HIPK2: variants seen among roughly 807,000 people sequenced by gnomAD.
The protein encoded by HIPK2 is homeodomain-interacting protein kinase 2.
In HIPK2, 27 loss-of-function variants were observed where a neutral mutation model predicts 113.7. The ratio of observed to expected loss-of-function variants is 0.24; its 90% CI spans 0.17 to 0.33. HIPK2 has a LOEUF of 0.33. HIPK2 is among the 10% of genes least tolerant of loss of function. The pLI, the probability that HIPK2 is intolerant of heterozygous loss-of-function variation, is 1.00. For missense variants in HIPK2, 1,257 were observed against 1,588.0 expected (o/e 0.79, Z 3.54); for synonymous variants, 631 against 642.2 (o/e 0.98, Z 0.26).
chr7:139,749,998 A>G (rs1796254571), intron 1 of HIPK2, among the ~76,000 whole-genome samples: 1 of 152,152 alleles, frequency 6.6e-6, no homozygotes, highest in South Asian at 2.1e-4. Context: ...AACATCGCTG[A>G]CCGCTCTCCA....
In HIPK2 at chr7:139,600,616, A is replaced by T; in HGVS notation, c.2256-20T>A. 6.2e-7 allele frequency: 1 copy of T among 1,612,628 alleles called. No individual in the cohort carries two copies. On this transcript the variant is annotated intron_variant, in intron 10 of 14. Coordinates refer to ENST00000406875, the MANE Select transcript of HIPK2 (RefSeq NM_022740.5). ...GTATTTCTGAAAGGCAACCGGGACA[A>T]CAAGGTGCCTTAGAGGTGTTCTAAA...
chr7:139,690,293 G>A (rs549926756), intron 2 of HIPK2, among the ~76,000 whole-genome samples: 2 of 152,282 alleles, frequency 1.3e-5, no homozygotes, highest in Admixed American at 6.5e-5. Flanking sequence ...AGAGTCAGGG[G>A]AGGGCAGAGG....
At chr7:139,708,814 G>A (rs888823675) in intron 2 of HIPK2, among the ~76,000 whole-genome samples, 1 of 152,212 alleles carries the variant, frequency 6.6e-6, no homozygotes, top group Non-Finnish European at 1.5e-5. Flanking sequence ...AGGGCTGAGT[G>A]TCAGCTTCTT....
At chr7:139,677,243 T>A (rs956880185) in intron 2 of HIPK2, among the ~76,000 whole-genome samples, 20 of 110,608 alleles carry the variant, frequency 1.8e-4, no homozygotes, top group African/African-American at 7.0e-4. Flanking sequence ...ATTATATATA[T>A]TATATATATA....
At chr7:139,761,488 C>T (rs888145814) in intron 1 of HIPK2, among the ~76,000 whole-genome samples, 6 of 152,166 alleles carry the variant, frequency 3.9e-5, no homozygotes, top group Non-Finnish European at 8.8e-5. Flanking sequence ...CTGGTGAGAT[C>T]TAGTCAAAAA....
At chr7:139,673,133 G>A (rs2116651203) in intron 2 of HIPK2, among the ~76,000 whole-genome samples, 1 of 151,402 alleles carries the variant, frequency 6.6e-6, no homozygotes, top group Admixed American at 6.6e-5. Context: ...AAAGATGGGA[G>A]GGAAGATGGC....
chr7:139,699,397 G>A (rs1794648083), intron 2 of HIPK2, among the ~76,000 whole-genome samples: 1 of 152,138 alleles, frequency 6.6e-6, no homozygotes, highest in African/African-American at 2.4e-5. Flanking sequence ...TGGAAAGGAG[G>A]ATAATGTGAA....
chr7:139,626,038 C>T (rs935736302), intron 6 of HIPK2, among the ~76,000 whole-genome samples: 1 of 152,106 alleles, frequency 6.6e-6, no homozygotes, highest in African/African-American at 2.4e-5. Context: ...CCCTCCTTTT[C>T]AGTGTGAAGC....
chr7:139,586,292 T>C (rs116133129), intron 12 of HIPK2, among the ~76,000 whole-genome samples: 121 of 152,318 alleles, frequency 7.9e-4, no homozygotes, highest in African/African-American at 2.8e-3. Flanking sequence ...AGTTACCCTA[T>C]AGCAATTCCA....
chr7:139,706,131 T>G (rs1260395612), intron 2 of HIPK2, among the ~76,000 whole-genome samples: 1 of 152,248 alleles, frequency 6.6e-6, no homozygotes. Context: ...TCTCATTTTC[T>G]GCGAAGGTAT....
At chr7:139,676,066 G>T (rs186469053) in intron 2 of HIPK2, among the ~76,000 whole-genome samples, 73 of 152,274 alleles carry the variant, frequency 4.8e-4, no homozygotes, top group Non-Finnish European at 8.8e-4. Flanking sequence ...GCCCCCTAAG[G>T]TAACTGCGCT....
chr7:139,721,782 A>G (rs557094304), intron 1 of HIPK2, among the ~76,000 whole-genome samples: 1 of 152,168 alleles, frequency 6.6e-6, no homozygotes, highest in African/African-American at 2.4e-5. Flanking sequence ...TGGGAGGGCA[A>G]GTTTCGAGCC....
chr7:139,751,558 G>T (rs1312022541), intron 1 of HIPK2, among the ~76,000 whole-genome samples: 1 of 147,970 alleles, frequency 6.8e-6, no homozygotes, highest in Admixed American at 6.8e-5. Flanking sequence ...AGGGAGGGAG[G>T]GAGGGATGGA....
At chr7:139,689,868 G>T (rs73733185) in intron 2 of HIPK2, among the ~76,000 whole-genome samples, 1 of 152,112 alleles carries the variant, frequency 6.6e-6, no homozygotes, top group African/African-American at 2.4e-5. Flanking sequence ...ACAGGAGAGC[G>T]GCAGAGCTTC....
rs906538809 is a variant in HIPK2, at chr7:139,563,655, A to G, written c.*9272T>C. ...GGAAAAAACAGCAACACCACCACAC[A>G]AACAGGAAAGTGGGAGTATGATTAG... On this transcript the variant is annotated 3_prime_UTR_variant, in exon 15 of 15. Coordinates refer to ENST00000406875, the MANE Select transcript of HIPK2 (RefSeq NM_022740.5). The G allele has an allele frequency of 7.6e-6, 3 of 396,446 alleles. No individual in the cohort carries two copies. The highest frequency in any genetic ancestry group is 1.3e-5 in the Non-Finnish European group (3 of 225,388). 24.6% of individuals were successfully genotyped at this position (396,446 alleles called of 1,614,324 possible).
At chr7:139,715,578 A>G (rs1033354731) in intron 2 of HIPK2, among the ~76,000 whole-genome samples, 1 of 152,166 alleles carries the variant, frequency 6.6e-6, no homozygotes, top group Non-Finnish European at 1.5e-5. Context: ...TGTCTCCTGT[A>G]AATTCCCACT....
rs556722573 is a variant in HIPK2 at position 139,598,781 on chromosome 7, C to G, written c.2435+1636G>C. On this transcript the variant is annotated intron_variant, in intron 11 of 14. Coordinates refer to ENST00000406875, the MANE Select transcript of HIPK2 (RefSeq NM_022740.5). ...AGGTGAACCACAAAGATGCTAAGCT[C>G]AGTCCTGGGACAGAGTAGTGCTCCA... 4.5e-4 allele frequency among the ~76,000 whole-genome samples: 69 copies of G among 152,346 alleles called. 1 individual carries two copies. Among genetic ancestry groups the G allele is most frequent in the African/African-American group, 1.3e-3 (56 of 41,584 alleles).
intron 1 of HIPK2, among the ~76,000 whole-genome samples, chr7:139,765,500 C>T (rs965967129): frequency 1.3e-5 from 2 of 152,138 alleles, no homozygotes; most frequent in African/African-American, 2.4e-5. Context: ...TCTGCTAAAA[C>T]GCAAGCTGCT....
rs1397455536 is a variant in HIPK2, at chr7:139,683,407, C to T, written c.1103+32525G>A. 6.6e-6 allele frequency among the ~76,000 whole-genome samples: 1 copy of T among 152,186 alleles called. No homozygotes were observed. The highest frequency in any genetic ancestry group is 2.4e-5 in the African/African-American group (1 of 41,448). On this transcript the variant is annotated intron_variant, in intron 2 of 14. Coordinates refer to ENST00000406875, the MANE Select transcript of HIPK2 (RefSeq NM_022740.5). This position sits in a 1 kb window ranked among gnomAD's most constrained non-coding sequence, Gnocchi z 4.2. The stretch of plus-strand genomic sequence containing the variant: ...GCTGCGATCAAGATGTTTCCAAGCT[C>T]CCCAAGGCAGCTGCGGTCTGTGAGC...
Sources: allele counts gnomAD v4.1 joint callset (sites outside exome capture counted in the v4.1 genomes callset), GRCh38; gene constraint gnomAD v4.1.1; non-coding constraint Gnocchi (gnomAD v3.1); transcripts MANE v1.5; gene names NCBI Gene and HGNC (gene_info 2026-07-23, HGNC 2026-07-21).